The following PIAS4 variants were observed in gnomAD, a reference collection of about 807,000 sequenced individuals.
PIAS4 encodes E3 SUMO-protein ligase PIAS4.
PIAS4 carries 7 observed loss-of-function variants against 58.0 expected under a neutral mutation model. That is an observed-to-expected ratio of 0.12 (90% CI 0.07 to 0.23). The LOEUF is 0.23. Among genes scored for constraint, PIAS4 ranks in the 10% least tolerant of loss-of-function variants. PIAS4 has a pLI of 1.00. For synonymous variants in PIAS4, 364 were observed against 312.4 expected (o/e 1.17, Z -1.74); for missense variants, 550 against 709.5 (o/e 0.78, Z 2.55).
At chr19:4,029,153 C>T in intron 7 of PIAS4, 117 bp downstream of exon 7, 2 of 720,730 alleles carry the variant, frequency 2.8e-6, no homozygotes, top group South Asian at 1.7e-5. Context: ...GGCCGCCTGT[C>T]ACTCTGGGGG....
intron 7 of PIAS4, among the ~76,000 whole-genome samples, chr19:4,030,111 C>G (rs1309045241): frequency 1.4e-5 from 2 of 148,050 alleles, no homozygotes; most frequent in African/African-American, 2.5e-5. Flanking sequence ...CGTGAGCCAC[C>G]ACGCCCGGCC....
intron 2 of PIAS4, among the ~76,000 whole-genome samples, chr19:4,023,249 T>C (rs1354084987): frequency 1.3e-5 from 2 of 150,174 alleles, no homozygotes; most frequent in Non-Finnish European, 2.9e-5. Context: ...GAGTTTGAGA[T>C]GGGCGGATCA....
chr19:4,033,188 GGTCCCCTCCTCGA>G lies in PIAS4; in HGVS notation c.981+17_981+29del. 6.2e-7 allele frequency: 1 copy of G among 1,603,114 alleles called. No individual in the cohort carries two copies. Among genetic ancestry groups the G allele is most frequent in the Non-Finnish European group, 8.5e-7 (1 of 1,176,012 alleles). The stretch of plus-strand genomic sequence containing the variant: ...TCATCTGTCCGGTGAGTCGGGGCGC[GGTCCCCTCCTCGA>G]GGCCTCTCCTGCGGCCGGCCTTCCC... On this transcript the variant is annotated intron_variant, in intron 8 of 10. Coordinates refer to ENST00000262971, the MANE Select transcript of PIAS4 (RefSeq NM_015897.4).
rs546767429 is a variant in PIAS4 at position 4,010,848 on chromosome 19, G to T, written c.28-2075G>T. On this transcript the variant is annotated intron_variant, in intron 1 of 10. Coordinates refer to ENST00000262971, the MANE Select transcript of PIAS4 (RefSeq NM_015897.4). ...TACAGTCACGGGGCCCCGCAGCCCT[G>T]ATATGGGAAGAGGCTTCTCCCGAGG... Among the ~76,000 whole-genome samples the T allele has an allele frequency of 7.2e-5, 11 of 152,360 alleles. No homozygotes were observed. In the East Asian group the frequency reaches 1.9e-3, roughly 27 times the overall value.
In PIAS4 at chr19:4,034,281, G is replaced by A. The variant is rs575076483; in HGVS notation, c.1142+701G>A. 6.9e-3 allele frequency among the ~76,000 whole-genome samples: 1,020 copies of A among 148,494 alleles called. 6 individuals carry two copies. The highest frequency in any genetic ancestry group is 0.023 in the African/African-American group (952 of 41,368). On this transcript the variant is annotated intron_variant, in intron 9 of 10. Coordinates refer to ENST00000262971, the MANE Select transcript of PIAS4 (RefSeq NM_015897.4). ...CAGGCCCTGCCTGTGGGGGTGGGCC[G>A]GGTCCCCAGCCCTCAGGCATGGCCT... is the stretch of plus-strand genomic sequence containing the variant.
intron 3 of PIAS4, 43 bp from the exon 4 acceptor site, chr19:4,028,103 T>A: frequency 3.1e-6 from 5 of 1,605,868 alleles, no homozygotes; most frequent in Non-Finnish European, 4.3e-6. Flanking sequence ...CCCTCCTCAC[T>A]CAGCTCTCCT....
chr19:4,037,570 A>T lies in PIAS4; in HGVS notation c.1274-46A>T. The T allele has an allele frequency of 1.9e-6, 3 of 1,607,510 alleles. No individual in the cohort carries two copies. Among genetic ancestry groups the T allele is most frequent in the Non-Finnish European group, 2.5e-6 (3 of 1,179,730 alleles). ...GGCCGCCTCAGTTTCCCCATTTATC[A>T]GTGGTTGCATCCTAAGTACCTGCAC... On this transcript the variant is annotated intron_variant, in intron 10 of 10. Transcript: ENST00000262971. The surrounding 1 kb of genome is among the most constrained non-coding windows in gnomAD (Gnocchi z 5.8).
In PIAS4 at chr19:4,012,911, GCTC is replaced by G; in HGVS notation, c.28-5_28-3del. The G allele has an allele frequency of 6.2e-7, 1 of 1,603,194 alleles. No homozygotes were observed. Among genetic ancestry groups the G allele is most frequent in the South Asian group, 1.1e-5 (1 of 90,028 alleles). ...GTGTCCTCTGAGTGTGTGTGTGCTT[GCTC>G]CTCCTCAGAACATGGTGATGAGTTT... On this transcript the variant is annotated splice_polypyrimidine_tract_variant and intron_variant, in intron 1 of 10. Transcript: ENST00000262971.
chr19:4,027,247 CA>C (rs1209530471), intron 3 of PIAS4, among the ~76,000 whole-genome samples: 1 of 152,232 alleles, frequency 6.6e-6, no homozygotes, highest in Non-Finnish European at 1.5e-5. Context: ...CTCCGCCTCC[CA>C]AAGTGCCAGG....
chr19:4,034,921 C>G (rs1290333077), intron 9 of PIAS4, among the ~76,000 whole-genome samples: 1 of 152,230 alleles, frequency 6.6e-6, no homozygotes, highest in African/African-American at 2.4e-5. Context: ...AGAGCCCCGT[C>G]CCAGACCCTG....
At chr19:4,021,136 G>GTATTT (rs890746713) in intron 2 of PIAS4, among the ~76,000 whole-genome samples, 1 of 152,070 alleles carries the variant, frequency 6.6e-6, no homozygotes, top group African/African-American at 2.4e-5. Context: ...GTGTAGAGAG[G>GTATTT]TATTTTATTT....
chr19:4,021,738 T>G (rs1172521232), intron 2 of PIAS4, among the ~76,000 whole-genome samples: 3 of 148,442 alleles, frequency 2.0e-5, no homozygotes, highest in African/African-American at 7.6e-5. Context: ...TGCATTTTCT[T>G]TTTCTTTTTT....
Position 4,028,608 on chromosome 19 carries a change from T to TGCCCCGCCCCCGCGTC in PIAS4, c.672+10_672+25dup, listed in dbSNP as rs2040191898. 2 of 1,612,076 alleles carry TGCCCCGCCCCCGCGTC rather than the reference T, an allele frequency of 1.2e-6. No individual in the cohort carries two copies. The highest frequency in any genetic ancestry group is 2.2e-5 in the East Asian group (1 of 44,840). ...AGCTACTGCTCCGTCCCGGTGAGCA[T>TGCCCCGCCCCCGCGTC]GCCCCGCCCCCGCGTCGGCTGCACG... On this transcript the variant is annotated intron_variant, in intron 5 of 10. Transcript: ENST00000262971.
chr19:4,023,893 C>G (rs2040135849), intron 2 of PIAS4, 143 bp from the exon 3 acceptor site: 1 of 655,672 alleles, frequency 1.5e-6, no homozygotes, highest in South Asian at 1.7e-5. Flanking sequence ...CCTGGGCGGC[C>G]CCCACCTCTG....
At chr19:4,008,500 C>G (rs1411143103) in intron 1 of PIAS4, among the ~76,000 whole-genome samples, 5 of 152,148 alleles carry the variant, frequency 3.3e-5, no homozygotes, top group South Asian at 2.1e-4. Flanking sequence ...GGAGTGGGCG[C>G]TTGGGGGAAG....
chr19:4,024,012 C>T (rs1327636288), intron 2 of PIAS4, 24 bp from the exon 3 acceptor site: 5 of 1,558,594 alleles, frequency 3.2e-6, no homozygotes, highest in East Asian at 2.2e-5. Context: ...CCAGACATGC[C>T]CCTGACCCCG....
Position 4,028,823 on chromosome 19 carries a change from C to T in PIAS4, c.776C>T (p.Thr259Ile), listed in dbSNP as rs1040676979. ...MYLSSATNRI[T>I]VTWGNYGKSY... ...CTGTCCTCGGCCACCAACCGCATCA[C>T]TGTCACCTGGGGGAACTACGGCAAG... The change falls in exon 6 of 11, where the codon ACT becomes ATT. Residue 259 changes from threonine (T) to isoleucine (I), a missense_variant. This residue lies in a region of PIAS4 where 225 missense variants were observed against 345.8 expected (regional missense o/e 0.65). Transcript: ENST00000262971. 4 of 1,613,660 alleles carry T rather than the reference C, an allele frequency of 2.5e-6. No homozygotes were observed. The highest frequency in any genetic ancestry group is 4.5e-5 in the East Asian group (2 of 44,878).
At chr19:4,009,949 C>T (rs2039977087) in intron 1 of PIAS4, among the ~76,000 whole-genome samples, 1 of 152,156 alleles carries the variant, frequency 6.6e-6, no homozygotes, top group Admixed American at 6.5e-5. Context: ...TGGAGAGAGG[C>T]GCCTTCCTGA....
At chr19:4,020,003 G>A (rs1252860413) in intron 2 of PIAS4, among the ~76,000 whole-genome samples, 2 of 151,248 alleles carry the variant, frequency 1.3e-5, no homozygotes, top group Admixed American at 6.6e-5. Context: ...TGCAAGCTCC[G>A]CCTCCCAGGT....
Sources: allele counts gnomAD v4.1 joint callset (sites outside exome capture counted in the v4.1 genomes callset), GRCh38; gene constraint gnomAD v4.1.1; regional missense constraint gnomAD v4.1.1; non-coding constraint Gnocchi (gnomAD v3.1); transcripts MANE v1.5; gene names NCBI Gene and HGNC (gene_info 2026-07-23, HGNC 2026-07-21).